Variants in GRID2 observed in about 807,000 individuals in gnomAD.
The protein encoded by GRID2 is glutamate ionotropic receptor delta type subunit 2.
GRID2 carries 33 observed loss-of-function variants against 114.8 expected under a neutral mutation model. That is an observed-to-expected ratio of 0.29 (90% CI 0.22 to 0.38). The LOEUF (loss-of-function observed/expected upper bound fraction) is 0.38, where lower values mean the gene tolerates loss of function less well. GRID2 is among the 10% of genes least tolerant of loss of function. The probability of loss-of-function intolerance (pLI) is 1.00; values close to 1 mark genes in which losing one functional copy is unlikely to be tolerated. For synonymous variants in GRID2, 505 were observed against 449.9 expected (o/e 1.12, Z -1.55); for missense variants, 1,184 against 1,257.7 (o/e 0.94, Z 0.89).
At chr4:92,807,273 A>G (rs941382460) in intron 2 of GRID2, among the ~76,000 whole-genome samples, 20 of 152,020 alleles carry the variant, frequency 1.3e-4, no homozygotes, top group African/African-American at 4.8e-4. Context: ...GAATATCTAT[A>G]TATTGTGCAT....
chr4:92,719,390 A>G (rs754146447), intron 2 of GRID2, among the ~76,000 whole-genome samples: 15 of 152,126 alleles, frequency 9.9e-5, no homozygotes, highest in Non-Finnish European at 1.5e-4. Flanking sequence ...TTTATCTCTA[A>G]TGGTTCCTTG....
chr4:92,539,800 A>T (rs1725835429), intron 1 of GRID2, among the ~76,000 whole-genome samples: 1 of 152,130 alleles, frequency 6.6e-6, no homozygotes, highest in African/African-American at 2.4e-5. Flanking sequence ...AAAATGAAGG[A>T]AGAAAGAATT....
At chr4:93,200,434 C>T (rs910371956) in intron 4 of GRID2, among the ~76,000 whole-genome samples, 1 of 151,894 alleles carries the variant, frequency 6.6e-6, no homozygotes, top group Non-Finnish European at 1.5e-5. Context: ...GGCGTGGTAG[C>T]GGGCGCCTGT....
chr4:93,318,021 ATT>A (rs1491305704), intron 8 of GRID2, among the ~76,000 whole-genome samples: 3 of 124,590 alleles, frequency 2.4e-5, no homozygotes, highest in East Asian at 2.4e-4. Context: ...ATATATATAT[ATT>A]ACTACTTTCT....
intron 1 of GRID2, among the ~76,000 whole-genome samples, chr4:93,805,262 A>T (rs1271344632): frequency 6.6e-6 from 1 of 152,266 alleles, no homozygotes; most frequent in African/African-American, 2.4e-5. Flanking sequence ...ATTTAAACAT[A>T]GTTAAATAAA....
rs1323728554 is a variant in GRID2 at position 92,442,993 on chromosome 4, C to A, written c.88+138249C>A. 3.3e-5 allele frequency among the ~76,000 whole-genome samples: 5 copies of A among 152,126 alleles called. No homozygotes were observed. In the South Asian group the frequency reaches 1.0e-3, roughly 32 times the overall value. On this transcript the variant is annotated intron_variant, in intron 1 of 15. Transcript: ENST00000282020. Reference sequence around the variant, plus strand: ...GCGGAGGCTGAGGAAGAATTGGGACCTAGCTCGGCCTGGCGAGGAGCAGCC... The same window carrying A: ...GCGGAGGCTGAGGAAGAATTGGGACATAGCTCGGCCTGGCGAGGAGCAGCC...
At chr4:92,938,557 G>A (rs1167979355) in intron 2 of GRID2, among the ~76,000 whole-genome samples, 2 of 143,800 alleles carry the variant, frequency 1.4e-5, no homozygotes, top group African/African-American at 2.5e-5. Flanking sequence ...GAGGATTAAT[G>A]TCAATATTTC....
At chr4:92,837,512 C>A (rs374961524) in intron 2 of GRID2, among the ~76,000 whole-genome samples, 1 of 149,194 alleles carries the variant, frequency 6.7e-6, no homozygotes, top group Non-Finnish European at 1.5e-5. Context: ...CATTTTTACT[C>A]ATCAAATGTA....
chr4:92,720,475 T>C (rs1481336474), intron 2 of GRID2, among the ~76,000 whole-genome samples: 1 of 151,988 alleles, frequency 6.6e-6, no homozygotes, highest in East Asian at 1.9e-4. Context: ...AGCTCAGGGA[T>C]TTCAGAATCC....
In GRID2 at chr4:92,626,988, G is replaced by T. The variant is rs141452931; in HGVS notation, c.244+36702G>T. On this transcript the variant is annotated intron_variant, in intron 2 of 15. Transcript: ENST00000282020. ...ACATGAAGAAAACAGAGAACAACTG[G>T]AAATAGGAAATATAATAACTAAGGT... Among the ~76,000 whole-genome samples, 141 of 152,174 alleles carry T rather than the reference G, an allele frequency of 9.3e-4. 2 individuals carry two copies. Among genetic ancestry groups the T allele is most frequent in the African/African-American group, 3.2e-3 (134 of 41,536 alleles).
intron 14 of GRID2, among the ~76,000 whole-genome samples, chr4:93,631,967 T>C (rs973885372): frequency 6.6e-6 from 1 of 152,218 alleles, no homozygotes; most frequent in African/African-American, 2.4e-5. Context: ...TGATGGCCAG[T>C]GATGATGAGC....
At chr4:93,363,825 T>C (rs1258779394) in intron 8 of GRID2, among the ~76,000 whole-genome samples, 2 of 151,902 alleles carry the variant, frequency 1.3e-5, no homozygotes, top group African/African-American at 4.8e-5. Flanking sequence ...TAAGAGAAAA[T>C]ATTAGTTAAT....
intron 1 of GRID2, among the ~76,000 whole-genome samples, chr4:92,539,295 G>A (rs1407138805): frequency 6.6e-6 from 1 of 152,076 alleles, no homozygotes; most frequent in African/African-American, 2.4e-5. Context: ...TTTACACAGA[G>A]AAACATGTTG....
chr4:93,743,667 G>A (rs905782829), intron 14 of GRID2, among the ~76,000 whole-genome samples: 6 of 151,894 alleles, frequency 4.0e-5, no homozygotes, highest in African/African-American at 7.3e-5. Flanking sequence ...CAGCTTTTGT[G>A]GAATCAATAA....
chr4:93,711,788 G>C (rs900575379), intron 14 of GRID2, among the ~76,000 whole-genome samples: 1 of 152,170 alleles, frequency 6.6e-6, no homozygotes, highest in African/African-American at 2.4e-5. Context: ...TGGTGGTGTA[G>C]ACAATTCAAG....
chr4:92,316,507 C>T (rs573192050), intron 1 of GRID2, among the ~76,000 whole-genome samples: 1 of 152,176 alleles, frequency 6.6e-6, no homozygotes, highest in Non-Finnish European at 1.5e-5. Flanking sequence ...TACATGAAAC[C>T]ATAACGTGAC....
At chr4:93,403,721 T>C (rs1488991401) in intron 9 of GRID2, among the ~76,000 whole-genome samples, 1 of 152,046 alleles carries the variant, frequency 6.6e-6, no homozygotes, top group Non-Finnish European at 1.5e-5. Flanking sequence ...AAATGACAGA[T>C]AATAACAAAT....
chr4:93,074,898 T>A (rs890712530), intron 2 of GRID2, among the ~76,000 whole-genome samples: 4 of 152,268 alleles, frequency 2.6e-5, no homozygotes, highest in Middle Eastern at 3.4e-3. Flanking sequence ...CCTTGAAATA[T>A]AAACGTTACC....
chr4:93,012,697 A>C (rs2149234035), intron 2 of GRID2, among the ~76,000 whole-genome samples: 1 of 152,218 alleles, frequency 6.6e-6, no homozygotes, highest in African/African-American at 2.4e-5. Flanking sequence ...TGTGCTATTA[A>C]AATCTCTACA....
Sources: allele counts gnomAD v4.1 joint callset (sites outside exome capture counted in the v4.1 genomes callset), GRCh38; gene constraint gnomAD v4.1.1; transcripts MANE v1.5; gene names NCBI Gene and HGNC (gene_info 2026-07-23, HGNC 2026-07-21).